The following ADCY2 variants were observed in gnomAD, a reference collection of about 807,000 sequenced individuals.
The protein encoded by ADCY2 is adenylate cyclase type 2.
In ADCY2, 31 loss-of-function variants were observed where a neutral mutation model predicts 125.2. The observed-to-expected ratio is 0.25, with a 90% CI of 0.19 to 0.33. ADCY2 has a LOEUF of 0.33. Ranked by LOEUF, ADCY2 falls within the 10% of genes least tolerant of loss-of-function variation. ADCY2 has a pLI of 1.00. For missense variants in ADCY2, 904 were observed against 1,418.2 expected, an observed-to-expected ratio of 0.64 and a Z score of 5.82; for synonymous variants, 512 against 548.4, an observed-to-expected ratio of 0.93 and a Z score of 0.93.
intron 2 of ADCY2, among the ~76,000 whole-genome samples, chr5:7,503,730 T>C (rs1352852861): frequency 6.6e-6 from 1 of 152,184 alleles, no homozygotes; most frequent in Non-Finnish European, 1.5e-5. Context: ...TGTGGTGAAA[T>C]GGAAAAGTGT....
At chr5:7,676,107 T>A (rs894702267) in intron 4 of ADCY2, among the ~76,000 whole-genome samples, 1 of 152,214 alleles carries the variant, frequency 6.6e-6, no homozygotes, top group Non-Finnish European at 1.5e-5. Flanking sequence ...GGGTAAATGA[T>A]GAGTGAGGAT....
At chr5:7,402,608 A>G (rs1330288895) in intron 1 of ADCY2, among the ~76,000 whole-genome samples, 1 of 152,186 alleles carries the variant, frequency 6.6e-6, no homozygotes, top group African/African-American at 2.4e-5. Context: ...GTGCCAAGAC[A>G]AAGAGAATGA....
intron 2 of ADCY2, among the ~76,000 whole-genome samples, chr5:7,465,308 C>G (rs1178431470): frequency 1.3e-5 from 2 of 152,178 alleles, no homozygotes; most frequent in Non-Finnish European, 2.9e-5. Context: ...TGGGAGTGCT[C>G]CCTCCTGAGT....
intron 2 of ADCY2, among the ~76,000 whole-genome samples, chr5:7,440,684 T>G (rs183551104): frequency 3.1e-4 from 47 of 152,268 alleles, no homozygotes; most frequent in African/African-American, 9.6e-4. Context: ...CAGTGATCCT[T>G]CATGGTGAGA....
chr5:7,525,324 TG>T (rs1734421237), intron 3 of ADCY2, among the ~76,000 whole-genome samples: 1 of 152,186 alleles, frequency 6.6e-6, no homozygotes, highest in African/African-American at 2.4e-5. Context: ...CTATTTATTT[TG>T]ATGTCCACAT....
rs886686734 is a variant in ADCY2 at position 7,793,307 on chromosome 5, C to T, written c.2628+3507C>T. Among the ~76,000 whole-genome samples the T allele has an allele frequency of 3.9e-5, 6 of 152,234 alleles. No homozygotes were observed. The East Asian group carries it at 5.8e-4, about 15-fold the overall frequency. ...ACTAAAAATACAAAAACAAGTTAGCCGGGCATGGTGGTATGTGCCTGTAAT... is the reference window on the plus strand; with the variant it reads ...ACTAAAAATACAAAAACAAGTTAGCTGGGCATGGTGGTATGTGCCTGTAAT... On this transcript the variant is annotated intron_variant, in intron 20 of 24. Transcript: ENST00000338316.
chr5:7,402,913 C>T (rs962532221), intron 1 of ADCY2, among the ~76,000 whole-genome samples: 29 of 152,120 alleles, frequency 1.9e-4, no homozygotes, highest in African/African-American at 7.0e-4. Context: ...TAGAAAGTTC[C>T]TGGTAGAAAA....
At chr5:7,526,032 G>A (rs1909745) in intron 3 of ADCY2, among the ~76,000 whole-genome samples, 96,487 of 151,964 alleles carry the variant, frequency 0.63, 33,738 homozygotes, top group Non-Finnish European at 0.77. Context: ...TACCCCTTGC[G>A]TGTGTGGCTG....
rs1488929918 is a variant in ADCY2 at position 7,502,270 on chromosome 5, G to C, written c.409-18468G>C. ...GCTATTTACTTGGTGGCAGTCCCCA[G>C]ATTAAGGCAGGGCAGCATTAGAGGC... is the stretch of plus-strand genomic sequence containing the variant. On this transcript the variant is annotated intron_variant, in intron 2 of 24. Transcript: ENST00000338316. 5.9e-5 allele frequency among the ~76,000 whole-genome samples: 9 copies of C among 152,168 alleles called. 1 individual carries two copies.
chr5:7,697,345 C>T (rs955914253), intron 6 of ADCY2, among the ~76,000 whole-genome samples: 3 of 152,142 alleles, frequency 2.0e-5, no homozygotes, highest in Admixed American at 6.5e-5. Context: ...GTTTATCCAT[C>T]ATTGGTCAGA....
rs1006349770 is a variant in ADCY2 at position 7,709,995 on chromosome 5, A to G, written c.1578+608A>G. On this transcript the variant is annotated intron_variant, in intron 10 of 24. Transcript: ENST00000338316. This position sits in a 1 kb window ranked among gnomAD's most constrained non-coding sequence, Gnocchi z 4.4. ...AAGCACTTAGGATAATCCCCATAGT[A>G]TTTTTAGATTTTAAAACTATCTGGG... 6.6e-6 allele frequency among the ~76,000 whole-genome samples: 1 copy of G among 152,350 alleles called. No individual in the cohort carries two copies. Among genetic ancestry groups the G allele is most frequent in the Non-Finnish European group, 1.5e-5 (1 of 68,032 alleles).
At chr5:7,637,224 CTT>C (rs1159877657) in intron 4 of ADCY2, among the ~76,000 whole-genome samples, 1 of 152,044 alleles carries the variant, frequency 6.6e-6, no homozygotes, top group African/African-American at 2.4e-5. Flanking sequence ...AATCCCAGCA[CTT>C]TGGGAGGCCA....
chr5:7,626,832 G>A (rs985139724), intron 4 of ADCY2, among the ~76,000 whole-genome samples: 2 of 151,938 alleles, frequency 1.3e-5, no homozygotes, highest in African/African-American at 4.8e-5. Flanking sequence ...TCCAACACTG[G>A]GGATCAAATT....
intron 3 of ADCY2, among the ~76,000 whole-genome samples, chr5:7,528,477 A>T (rs1194403805): frequency 6.6e-6 from 1 of 152,190 alleles, no homozygotes; most frequent in Non-Finnish European, 1.5e-5. Flanking sequence ...TGTGGAGGGC[A>T]TTGGGAGAAC....
chr5:7,717,316 T>C, intron 12 of ADCY2, 79 bp downstream of exon 12: 1 of 975,612 alleles, frequency 1.0e-6, no homozygotes, highest in Non-Finnish European at 1.5e-6. Flanking sequence ...TCTGCAATAG[T>C]TACCATGACA....
intron 15 of ADCY2, 61 bp downstream of exon 15, chr5:7,743,813 T>C: frequency 6.5e-7 from 1 of 1,548,782 alleles, no homozygotes; most frequent in South Asian, 1.1e-5. Context: ...AGCTGATTTC[T>C]TGCCTAAAAC....
chr5:7,656,838 T>A (rs1206435132), intron 4 of ADCY2, among the ~76,000 whole-genome samples: 1 of 152,216 alleles, frequency 6.6e-6, no homozygotes, highest in Non-Finnish European at 1.5e-5. Context: ...CAGTCTTCTA[T>A]GACTGAGCTG....
At chr5:7,413,481 G>C (rs1320368977) in intron 1 of ADCY2, among the ~76,000 whole-genome samples, 1 of 151,482 alleles carries the variant, frequency 6.6e-6, no homozygotes. Flanking sequence ...TGTATTTTTA[G>C]TAGAGACTGG....
At chr5:7,413,357 C>T (rs1312677877) in intron 1 of ADCY2, among the ~76,000 whole-genome samples, 2 of 151,976 alleles carry the variant, frequency 1.3e-5, no homozygotes, top group Non-Finnish European at 2.9e-5. Context: ...TGCAGTGGCG[C>T]GCTCACGGCT....
Sources: allele counts gnomAD v4.1 joint callset (sites outside exome capture counted in the v4.1 genomes callset), GRCh38; gene constraint gnomAD v4.1.1; non-coding constraint Gnocchi (gnomAD v3.1); transcripts MANE v1.5; gene names NCBI Gene and HGNC (gene_info 2026-07-23, HGNC 2026-07-21).